The following ABCC6 variants were observed in gnomAD, a reference collection of about 807,000 sequenced individuals.
ABCC6 encodes the protein ATP binding cassette subfamily C member 6.
A neutral mutation model predicts 169.5 loss-of-function variants in ABCC6; 126 were observed. That is an observed-to-expected ratio of 0.74 (90% CI 0.64 to 0.86). The LOEUF (loss-of-function observed/expected upper bound fraction) is 0.86, where lower values mean the gene tolerates loss of function less well. Among genes scored for constraint, ABCC6 ranks in the 40% least tolerant of loss-of-function variants. The probability of loss-of-function intolerance (pLI) is 0.00; values close to 1 mark genes in which losing one functional copy is unlikely to be tolerated. For synonymous variants in ABCC6, 752 were observed against 814.7 expected (o/e 0.92, Z 1.31); for missense variants, 1,733 against 1,927.2 (o/e 0.90, Z 1.89).
Position 16,150,043 on chromosome 16 carries a change from T to G in ABCC6, c.*90A>C. ...ACACAGGTCTAGACTCAATATCGTG[T>G]GGAGCTATCGATGACCACGGGTCAC... On this transcript the variant is annotated 3_prime_UTR_variant, in exon 31 of 31. Coordinates refer to ENST00000205557, the MANE Select transcript of ABCC6 (RefSeq NM_001171.6). 2 of 1,552,422 alleles carry G rather than the reference T, an allele frequency of 1.3e-6. No homozygotes were observed. Among genetic ancestry groups the G allele is most frequent in the Non-Finnish European group, 1.8e-6 (2 of 1,140,904 alleles).
At chr16:16,193,179 T>A (rs888688824) in intron 10 of ABCC6, among the ~76,000 whole-genome samples, 10 of 152,120 alleles carry the variant, frequency 6.6e-5, no homozygotes, top group African/African-American at 2.4e-4. Context: ...AAAACCAAGA[T>A]GGCTACGAGA....
intron 17 of ABCC6, 118 bp from the exon 18 acceptor site, chr16:16,179,083 C>T (rs910131026): frequency 3.3e-5 from 39 of 1,164,868 alleles, no homozygotes; most frequent in Non-Finnish European, 4.5e-5. Context: ...GCTCAACATG[C>T]CTATTCCCTG....
intron 11 of ABCC6, among the ~76,000 whole-genome samples, chr16:16,191,982 A>G (rs1173935997): frequency 6.6e-6 from 1 of 152,098 alleles, no homozygotes; most frequent in African/African-American, 2.4e-5. Flanking sequence ...TTCCTGTAGG[A>G]CCCTGTAGGT....
At chr16:16,202,748 T>C (rs2048284734) in intron 8 of ABCC6, among the ~76,000 whole-genome samples, 1 of 152,166 alleles carries the variant, frequency 6.6e-6, no homozygotes, top group Non-Finnish European at 1.5e-5. Flanking sequence ...AGAATCATGA[T>C]AAAATACATT....
At chr16:16,157,277 T>C (rs1438749352) in intron 27 of ABCC6, among the ~76,000 whole-genome samples, 3 of 152,194 alleles carry the variant, frequency 2.0e-5, no homozygotes, top group Admixed American at 6.5e-5. Flanking sequence ...AATTTACAGA[T>C]GGGAAAACTG....
At chr16:16,197,743 G>A (rs946885719) in intron 10 of ABCC6, among the ~76,000 whole-genome samples, 1 of 147,212 alleles carries the variant, frequency 6.8e-6, no homozygotes, top group African/African-American at 2.5e-5. Context: ...GGAGGCTGGG[G>A]CAGAGGGAGA....
intron 24 of ABCC6, among the ~76,000 whole-genome samples, chr16:16,162,786 C>T (rs1013718670): frequency 1.3e-5 from 2 of 152,084 alleles, no homozygotes; most frequent in African/African-American, 2.4e-5. Flanking sequence ...AAGCTTCTTC[C>T]TGTACCCCCC....
intron 18 of ABCC6, among the ~76,000 whole-genome samples, chr16:16,178,196 G>A (rs1423611429): frequency 3.3e-5 from 5 of 152,020 alleles, no homozygotes; most frequent in African/African-American, 1.2e-4. Context: ...GCGTGGTGGC[G>A]GGCACCTGTA....
chr16:16,158,702 A>C (rs1356248015), intron 26 of ABCC6, among the ~76,000 whole-genome samples: 1 of 152,028 alleles, frequency 6.6e-6, no homozygotes, highest in Non-Finnish European at 1.5e-5. Flanking sequence ...CCATCATGTT[A>C]CTATAATGTT....
At chr16:16,198,658 G>A (rs1391983767) in intron 9 of ABCC6, among the ~76,000 whole-genome samples, 2 of 151,346 alleles carry the variant, frequency 1.3e-5, no homozygotes, top group African/African-American at 2.4e-5. Context: ...AAACCAGCCC[G>A]CGCGACATAG....
Position 16,212,118 on chromosome 16 carries a change from G to A in ABCC6, c.662+67C>T, listed in dbSNP as rs533960568. 7.0e-6 allele frequency: 5 copies of A among 718,948 alleles called. No individual in the cohort carries two copies. The East Asian group carries it at 1.5e-4, about 21-fold the overall frequency. 44.5% of individuals were successfully genotyped at this position (718,948 alleles called of 1,614,324 possible). A position where few individuals can be genotyped will look rare whatever the true frequency, so the allele number is the denominator to read the frequency against. ...TAAGCACAGGGGAAGGGCCATGGCT[G>A]GGAATCAGAGCAGCAAATGCAGGCG... On this transcript the variant is annotated intron_variant, in intron 6 of 30. Coordinates refer to ENST00000205557, the MANE Select transcript of ABCC6 (RefSeq NM_001171.6).
In ABCC6 at chr16:16,219,256, C is replaced by T. The variant is rs535251409; in HGVS notation, c.474+298G>A. Among the ~76,000 whole-genome samples, 80 of 148,704 alleles carry T rather than the reference C, an allele frequency of 5.4e-4. 1 individual carries two copies. The highest frequency in any genetic ancestry group is 6.9e-3 in the Middle Eastern group (2 of 288). ...TCTGTGCCCAGGTTGTGTGTGTGTGCGTGCATGCATGTACTTGTGCGATGT... is the reference window on the plus strand; with the variant it reads ...TCTGTGCCCAGGTTGTGTGTGTGTGTGTGCATGCATGTACTTGTGCGATGT... On this transcript the variant is annotated intron_variant, in intron 4 of 30. Coordinates refer to ENST00000205557, the MANE Select transcript of ABCC6 (RefSeq NM_001171.6).
chr16:16,177,263 CT>C (rs2047306834), intron 19 of ABCC6, among the ~76,000 whole-genome samples, 188 bp downstream of exon 19: 1 of 152,248 alleles, frequency 6.6e-6, no homozygotes, highest in South Asian at 2.1e-4. Context: ...CAACCCCTGG[CT>C]CATGGATGAT....
intron 29 of ABCC6, 152 bp downstream of exon 29, chr16:16,154,476 G>A: frequency 9.9e-7 from 1 of 1,014,576 alleles, no homozygotes. Flanking sequence ...GACTGTGTCA[G>A]AGCTTGGAAT....
At chr16:16,175,308 C>G (rs1206738937) in intron 20 of ABCC6, among the ~76,000 whole-genome samples, 2 of 152,182 alleles carry the variant, frequency 1.3e-5, no homozygotes, top group Non-Finnish European at 2.9e-5. Context: ...AAGCTCAGGC[C>G]ATCTGGTATC....
At chr16:16,159,427 C>G (rs376412306) in intron 26 of ABCC6, 55 bp downstream of exon 26, 2 of 4,962 alleles carry the variant, frequency 4.0e-4, no homozygotes, top group South Asian at 0.019. Context: ...GGACCCATTG[C>G]CCCCCCCCAC....
intron 8 of ABCC6, among the ~76,000 whole-genome samples, chr16:16,202,871 T>C (rs1195288194): frequency 7.9e-5 from 12 of 152,106 alleles, no homozygotes; most frequent in Non-Finnish European, 1.6e-4. Flanking sequence ...CAGAGTACAG[T>C]GGAGGTAAAG....
chr16:16,168,840 G>C (rs2046964746), intron 22 of ABCC6, among the ~76,000 whole-genome samples: 1 of 152,140 alleles, frequency 6.6e-6, no homozygotes. Flanking sequence ...CAACACTCTG[G>C]GAGGCCGAGG....
intron 25 of ABCC6, among the ~76,000 whole-genome samples, chr16:16,160,645 A>G (rs2046686944): frequency 6.6e-6 from 1 of 150,470 alleles, no homozygotes; most frequent in African/African-American, 2.4e-5. Flanking sequence ...AAAAAAAAAA[A>G]AAAAAAAAAA....
Sources: allele counts gnomAD v4.1 joint callset (sites outside exome capture counted in the v4.1 genomes callset), GRCh38; gene constraint gnomAD v4.1.1; transcripts MANE v1.5; gene names NCBI Gene and HGNC (gene_info 2026-07-23, HGNC 2026-07-21).